KCNQ3: variants seen among roughly 807,000 people sequenced by gnomAD.
The protein encoded by KCNQ3 is potassium voltage-gated channel subfamily Q member 3, also known as potassium voltage-gated channel subfamily KQT member 3.
KCNQ3 carries 30 observed loss-of-function variants against 92.5 expected under a neutral mutation model. The ratio of observed to expected loss-of-function variants is 0.32; its 90% CI spans 0.24 to 0.44. KCNQ3 has a LOEUF of 0.44. KCNQ3 is among the 20% of genes least tolerant of loss of function. The pLI is 1.00. For missense variants in KCNQ3, 913 were observed against 1,140.3 expected, an observed-to-expected ratio of 0.80 and a Z score of 2.87; for synonymous variants, 450 against 468.8, an observed-to-expected ratio of 0.96 and a Z score of 0.52.
chr8:132,138,134 T>C lies in KCNQ3; in HGVS notation c.1569-118A>G, dbSNP rs1318942871. On this transcript the variant is annotated intron_variant, in intron 11 of 14. Coordinates refer to ENST00000388996, the MANE Select transcript of KCNQ3 (RefSeq NM_004519.4). ...AAGAACCAAAGATAAAAGAGCTTGC[T>C]GGAAGAACTTCCAACGTTTGGTTCT... is the stretch of plus-strand genomic sequence containing the variant. 9 of 1,202,156 alleles carry C rather than the reference T, an allele frequency of 7.5e-6. 1 individual carries two copies. The Admixed American group carries it at 1.6e-4, about 22-fold the overall frequency. 74.5% of individuals were successfully genotyped at this position (1,202,156 alleles called of 1,614,324 possible). A position where few individuals can be genotyped will look rare whatever the true frequency, so the allele number is the denominator to read the frequency against.
chr8:132,297,052 T>A (rs1371670513), intron 1 of KCNQ3, among the ~76,000 whole-genome samples: 1 of 152,132 alleles, frequency 6.6e-6, no homozygotes, highest in Non-Finnish European at 1.5e-5. Flanking sequence ...CCAGCATCTG[T>A]TGTTTCCTGA....
In KCNQ3 at chr8:132,124,077, T is replaced by A. The variant is rs1303715292; in HGVS notation, c.*5185A>T. On this transcript the variant is annotated 3_prime_UTR_variant, in exon 15 of 15. Coordinates refer to ENST00000388996, the MANE Select transcript of KCNQ3 (RefSeq NM_004519.4). The stretch of plus-strand genomic sequence containing the variant: ...AGATGGTGCAACATCTGGTACTATA[T>A]GTCCAATGGAATTGCCACAACTCAG... 1 of 152,202 alleles carries A rather than the reference T, an allele frequency of 6.6e-6. No homozygotes were observed. Among genetic ancestry groups the A allele is most frequent in the Non-Finnish European group, 1.5e-5 (1 of 68,022 alleles). The allele number at this position is 152,202 out of a possible 1,614,324, so 9.4% of individuals were successfully genotyped here. A position where few individuals can be genotyped will look rare whatever the true frequency, so the allele number is the denominator to read the frequency against.
At chr8:132,277,957 C>A (rs1157799336) in intron 1 of KCNQ3, 2 of 985,292 alleles carry the variant, frequency 2.0e-6, no homozygotes, top group Non-Finnish European at 1.2e-6. Flanking sequence ...TGGCATTCCA[C>A]AAGCATCTCA....
rs1040706265 is a variant in KCNQ3, at chr8:132,308,484, G to A, written c.387-122303C>T. Among the ~76,000 whole-genome samples the A allele has an allele frequency of 1.0e-3, 156 of 152,300 alleles. 2 individuals are homozygous for A. The highest frequency in any genetic ancestry group is 1.2e-3 in the Non-Finnish European group (80 of 68,024). ...GGCAATAGAAGCATTGAGGAGCCAA[G>A]AAGCCATATCAGTGGGAAGTACAAC... On this transcript the variant is annotated intron_variant, in intron 1 of 14. Transcript: ENST00000388996.
At chr8:132,454,871 CAT>C (rs1465831009) in intron 1 of KCNQ3, among the ~76,000 whole-genome samples, 2 of 152,168 alleles carry the variant, frequency 1.3e-5, no homozygotes, top group Non-Finnish European at 2.9e-5. Context: ...AATTTTGACA[CAT>C]GATGCAATAG....
intron 1 of KCNQ3, among the ~76,000 whole-genome samples, chr8:132,325,175 G>T (rs1433529818): frequency 6.6e-6 from 1 of 152,020 alleles, no homozygotes; most frequent in Non-Finnish European, 1.5e-5. Flanking sequence ...TGTGGATGGG[G>T]AAAGACAGTT....
At chr8:132,474,011 T>C (rs974378830) in intron 1 of KCNQ3, among the ~76,000 whole-genome samples, 1 of 152,174 alleles carries the variant, frequency 6.6e-6, no homozygotes, top group African/African-American at 2.4e-5. Flanking sequence ...TTCCCTTGGT[T>C]TGTCAACAGG....
chr8:132,209,599 C>G (rs1254189984), intron 1 of KCNQ3, among the ~76,000 whole-genome samples: 1 of 151,764 alleles, frequency 6.6e-6, no homozygotes, highest in East Asian at 1.9e-4. Context: ...AATAGTTTGA[C>G]TTTGAATTTT....
At chr8:132,290,176 C>T (rs1341483650) in intron 1 of KCNQ3, among the ~76,000 whole-genome samples, 2 of 152,208 alleles carry the variant, frequency 1.3e-5, no homozygotes, top group Non-Finnish European at 2.9e-5. Flanking sequence ...ATACTCCTGA[C>T]ATGGAAAGCC....
At position 132,401,629 on chromosome 8, in the gene KCNQ3, C is replaced by T. The variant is rs995303472; in HGVS notation, c.386+78518G>A. On this transcript the variant is annotated intron_variant, in intron 1 of 14. Coordinates refer to ENST00000388996, the MANE Select transcript of KCNQ3 (RefSeq NM_004519.4). ...GACCTCGTGATCCGCCTGCCTCGGC[C>T]TCCCAAAGTTCTGGGATTACAGGCG... Among the ~76,000 whole-genome samples, 7 of 152,234 alleles carry T rather than the reference C, an allele frequency of 4.6e-5. No individual in the cohort carries two copies. The East Asian group carries it at 1.3e-3, about 29-fold the overall frequency.
Position 132,204,922 on chromosome 8 carries a change from C to T in KCNQ3, c.387-18741G>A, listed in dbSNP as rs7002463. ...CAGATCACCCCCTCTCTGTTTTCTTCCTTAATTTTCACCATGGTGATAAGA... is the reference window on the plus strand; with the variant it reads ...CAGATCACCCCCTCTCTGTTTTCTTTCTTAATTTTCACCATGGTGATAAGA... On this transcript the variant is annotated intron_variant, in intron 1 of 14. Transcript: ENST00000388996. Among the ~76,000 whole-genome samples the T allele has an allele frequency of 9.8e-3, 1,493 of 152,228 alleles. 4 individuals carry two copies. Among genetic ancestry groups the T allele is most frequent in the Middle Eastern group, 0.031 (9 of 294 alleles).
At chr8:132,392,723 T>C (rs1463197254) in intron 1 of KCNQ3, among the ~76,000 whole-genome samples, 2 of 134,858 alleles carry the variant, frequency 1.5e-5, no homozygotes, top group African/African-American at 5.7e-5. Flanking sequence ...ATCACTTGGG[T>C]AGAGGCTGTC....
At chr8:132,428,837 A>G (rs1293254531) in intron 1 of KCNQ3, among the ~76,000 whole-genome samples, 3 of 152,210 alleles carry the variant, frequency 2.0e-5, no homozygotes. Context: ...GGAGGTTGAC[A>G]TATGAAAAAG....
chr8:132,197,799 T>C (rs1466964742), intron 1 of KCNQ3, among the ~76,000 whole-genome samples: 1 of 151,972 alleles, frequency 6.6e-6, no homozygotes, highest in Non-Finnish European at 1.5e-5. Context: ...ATCCAAAAGT[T>C]TCATGCCAGG....
intron 1 of KCNQ3, among the ~76,000 whole-genome samples, chr8:132,375,541 C>A (rs1819584526): frequency 6.6e-6 from 1 of 152,208 alleles, no homozygotes; most frequent in Non-Finnish European, 1.5e-5. Context: ...GCTTTGACTT[C>A]TCAGACTTCC....
At chr8:132,136,224 T>C (rs933015994) in intron 12 of KCNQ3, among the ~76,000 whole-genome samples, 1 of 151,050 alleles carries the variant, frequency 6.6e-6, no homozygotes, top group Non-Finnish European at 1.5e-5. Flanking sequence ...GTCAGTGTGA[T>C]GTTCCTGTTC....
chr8:132,226,542 A>G (rs1814426974), intron 1 of KCNQ3, among the ~76,000 whole-genome samples: 1 of 152,238 alleles, frequency 6.6e-6, no homozygotes, highest in Admixed American at 6.5e-5. Flanking sequence ...TCCAAGAAAT[A>G]CAGAGCCAGA....
At position 132,163,502 on chromosome 8, in the gene KCNQ3, G is replaced by C. The variant is rs144831549; in HGVS notation, c.1236-8C>G. 3.1e-6 allele frequency: 5 copies of C among 1,609,104 alleles called. No homozygotes were observed. The East Asian group carries it at 1.1e-4, about 36-fold the overall frequency. ...GCCTCCAGCTGTTCTTTCCTAGAAA[G>C]AGAAGAGGGAGAAAAAATAAAGCAT... On this transcript the variant is annotated splice_region_variant and splice_polypyrimidine_tract_variant and intron_variant, in intron 8 of 14. Coordinates refer to ENST00000388996, the MANE Select transcript of KCNQ3 (RefSeq NM_004519.4).
intron 1 of KCNQ3, among the ~76,000 whole-genome samples, chr8:132,473,900 G>A (rs1209496652): frequency 2.6e-5 from 4 of 152,222 alleles, no homozygotes; most frequent in Non-Finnish European, 5.9e-5. Flanking sequence ...TTCCAGAGCA[G>A]CTGCTGGCTC....
Sources: gnomAD v4.1 joint callset for allele counts (sites outside exome capture counted in the v4.1 genomes callset) on GRCh38, gnomAD v4.1.1 for gene constraint, MANE v1.5 for transcripts, NCBI Gene and HGNC (gene_info 2026-07-23, HGNC 2026-07-21) for gene names.